Variants in LY86 observed in about 807,000 individuals in gnomAD.
LY86 encodes the protein MD-1, RP105-associated.
In LY86, 20 loss-of-function variants were observed where a neutral mutation model predicts 17.3. That is an observed-to-expected ratio of 1.15 (90% confidence interval 0.81 to 1.68). The LOEUF is 1.68. LY86 is among the 40% of genes most tolerant of loss of function. LY86 has a pLI of 0.00. For missense variants in LY86, 200 were observed against 191.9 expected (o/e 1.04, Z -0.25); for synonymous variants, 74 against 70.6 (o/e 1.05, Z -0.24).
At chr6:6,592,472 CAG>C (rs1483467594) in intron 1 of LY86, among the ~76,000 whole-genome samples, 8 of 152,092 alleles carry the variant, frequency 5.3e-5, no homozygotes, top group African/African-American at 1.7e-4. Context: ...GAGGAGATGA[CAG>C]AAATACTTAT....
At chr6:6,631,499 A>G (rs1462242949) in intron 3 of LY86, among the ~76,000 whole-genome samples, 1 of 152,250 alleles carries the variant, frequency 6.6e-6, no homozygotes. Context: ...ATCTTTGGGC[A>G]TAACCAGCCA....
chr6:6,603,591 C>CGAAAA (rs1760983357), intron 1 of LY86, among the ~76,000 whole-genome samples: 1 of 23,378 alleles, frequency 4.3e-5, no homozygotes, highest in Non-Finnish European at 1.6e-4. Flanking sequence ...AAGCCAAAAA[C>CGAAAA]AAAAACAGAA....
chr6:6,644,773 G>A (rs1762086711), intron 3 of LY86, among the ~76,000 whole-genome samples: 1 of 152,122 alleles, frequency 6.6e-6, no homozygotes, highest in Non-Finnish European at 1.5e-5. Context: ...GGAAGAAATG[G>A]GTGCAAATAT....
chr6:6,648,946 C>T (rs1581253715), intron 3 of LY86, among the ~76,000 whole-genome samples: 1 of 152,146 alleles, frequency 6.6e-6, no homozygotes, highest in East Asian at 1.9e-4. Flanking sequence ...TGGATATCGT[C>T]TTGTTTAGTT....
At chr6:6,596,930 G>C (rs1022315395) in intron 1 of LY86, among the ~76,000 whole-genome samples, 2 of 152,206 alleles carry the variant, frequency 1.3e-5, no homozygotes, top group East Asian at 3.9e-4. Flanking sequence ...GTTCTGAAGA[G>C]GCCTCTTCTG....
intron 1 of LY86, chr6:6,620,996 G>A (rs1260200874): frequency 6.6e-6 from 1 of 152,356 alleles, no homozygotes; most frequent in Non-Finnish European, 1.5e-5. Flanking sequence ...CCGGGGGAGA[G>A]GGGAGCAGGG....
At chr6:6,645,492 C>T (rs1307806148) in intron 3 of LY86, among the ~76,000 whole-genome samples, 2 of 152,146 alleles carry the variant, frequency 1.3e-5, no homozygotes, top group South Asian at 2.1e-4. Flanking sequence ...GCTAGTGAGT[C>T]AGAGAGCTGG....
At chr6:6,612,525 A>G (rs1260099438) in intron 1 of LY86, among the ~76,000 whole-genome samples, 1 of 152,184 alleles carries the variant, frequency 6.6e-6, no homozygotes, top group Non-Finnish European at 1.5e-5. Context: ...GCAAAAGAAC[A>G]AACCAACCAC....
chr6:6,606,853 C>T (rs1761176048), intron 1 of LY86, among the ~76,000 whole-genome samples: 1 of 152,266 alleles, frequency 6.6e-6, no homozygotes, highest in Non-Finnish European at 1.5e-5. Flanking sequence ...CGGCCTTGGC[C>T]AGCCCAGAAA....
At chr6:6,599,149 TA>T (rs1461778598) in intron 1 of LY86, among the ~76,000 whole-genome samples, 3 of 152,212 alleles carry the variant, frequency 2.0e-5, no homozygotes, top group Admixed American at 1.3e-4. Context: ...AATCTCCAAA[TA>T]ACTAAGAATG....
chr6:6,613,312 C>T (rs1039041136), intron 1 of LY86, among the ~76,000 whole-genome samples: 4 of 152,232 alleles, frequency 2.6e-5, no homozygotes, highest in East Asian at 3.9e-4. Context: ...GGGGACGGAG[C>T]GCTATGGAGC....
intron 4 of LY86, among the ~76,000 whole-genome samples, chr6:6,653,857 TC>T (rs1361003401): frequency 6.6e-6 from 1 of 152,146 alleles, no homozygotes; most frequent in Non-Finnish European, 1.5e-5. Flanking sequence ...CCCAAAGCCT[TC>T]CCCCACCTCC....
intron 1 of LY86, among the ~76,000 whole-genome samples, chr6:6,609,674 A>G (rs961377377): frequency 6.6e-6 from 1 of 151,820 alleles, no homozygotes; most frequent in Non-Finnish European, 1.5e-5. Flanking sequence ...GAAAAGTGCA[A>G]ATTGATTTTT....
In LY86 at chr6:6,654,747, G is replaced by GC; in HGVS notation, c.*125dup. 1.2e-6 allele frequency: 1 copy of GC among 807,154 alleles called. No homozygotes were observed. The highest frequency in any genetic ancestry group is 2.0e-6 in the Non-Finnish European group (1 of 497,062). 50.0% of individuals were successfully genotyped at this position (807,154 alleles called of 1,614,324 possible). ...ACAGAGAGAGGCTCTACAAAGAAGC[G>GC]CCCCCAAAGAGTGCAGCTGCTAATT... On this transcript the variant is annotated 3_prime_UTR_variant, in exon 5 of 5. Transcript: ENST00000230568.
intron 3 of LY86, among the ~76,000 whole-genome samples, chr6:6,634,679 TTGCAGAG>T (rs781525444): frequency 7.2e-5 from 11 of 152,368 alleles, no homozygotes; most frequent in Non-Finnish European, 1.6e-4. Context: ...GTATCATTCA[TTGCAGAG>T]CCTTCTCAAT....
chr6:6,647,494 A>T (rs1450570231), intron 3 of LY86, among the ~76,000 whole-genome samples: 2 of 151,986 alleles, frequency 1.3e-5, no homozygotes, highest in African/African-American at 2.4e-5. Context: ...ATCTGTACTC[A>T]TCTCTCCAGT....
chr6:6,616,377 G>A (rs990587870), intron 1 of LY86, among the ~76,000 whole-genome samples: 3 of 152,172 alleles, frequency 2.0e-5, no homozygotes, highest in Admixed American at 6.5e-5. Context: ...GGTGAGACCC[G>A]CACAGCAACC....
In LY86 at chr6:6,612,313, G is replaced by A. The variant is rs555006177; in HGVS notation, c.137-12613G>A. 6.2e-4 allele frequency among the ~76,000 whole-genome samples: 94 copies of A among 152,310 alleles called. 1 individual carries two copies. Among genetic ancestry groups the A allele is most frequent in the South Asian group, 2.3e-3 (11 of 4,828 alleles). ...TGGGTTAGTGGCCTTGCTAACTTCA[G>A]GCGTGAAACTGCAGACCCTCGCAGT... On this transcript the variant is annotated intron_variant, in intron 1 of 4. Coordinates refer to ENST00000230568, the MANE Select transcript of LY86 (RefSeq NM_004271.4).
At chr6:6,624,416 T>TGGGATGGGATGGGATGGGGTGGGAG (rs1761745582) in intron 1 of LY86, among the ~76,000 whole-genome samples, 1 of 145,964 alleles carries the variant, frequency 6.9e-6, no homozygotes. Context: ...TGGGTTGGGA[T>TGGGATGGGATGGGATGGGGTGGGAG]GGGATGGGAT....
Sources: allele counts gnomAD v4.1 joint callset (sites outside exome capture counted in the v4.1 genomes callset), GRCh38; gene constraint gnomAD v4.1.1; transcripts MANE v1.5; gene names NCBI Gene and HGNC (gene_info 2026-07-23, HGNC 2026-07-21).